GAB2: variants seen among roughly 807,000 people sequenced by gnomAD.
GAB2 encodes the protein GRB2-associated-binding protein 2.
Under a neutral mutation model 65.5 loss-of-function variants are expected in GAB2, and 26 were observed. The observed-to-expected ratio is 0.40, with a 90% CI of 0.29 to 0.55. The LOEUF (loss-of-function observed/expected upper bound fraction) is 0.55. GAB2 is among the 20% of genes least tolerant of loss of function. The probability of loss-of-function intolerance (pLI) is 0.53; values close to 1 mark genes in which losing one functional copy is unlikely to be tolerated. For synonymous variants in GAB2, 321 were observed against 329.6 expected (o/e 0.97, Z 0.28); for missense variants, 884 against 875.8 (o/e 1.01, Z -0.12).
In GAB2 at chr11:78,415,939, C is replaced by CTTT. The variant is rs1303081510; in HGVS notation, c.75+1704_75+1706dup. On this transcript the variant is annotated intron_variant, in intron 1 of 9. Coordinates refer to ENST00000361507, the MANE Select transcript of GAB2 (RefSeq NM_080491.3). Reference sequence around the variant, plus strand: ...GTTCAAACTTGAAAATTAAGGGTCACTTTTTTTTTTTTTTTTTTTACTGTG... The same window carrying CTTT: ...GTTCAAACTTGAAAATTAAGGGTCACTTTTTTTTTTTTTTTTTTTTTTACTGTG... Among the ~76,000 whole-genome samples the CTTT allele has an allele frequency of 6.9e-3, 894 of 128,984 alleles. 10 individuals carry two copies. Among genetic ancestry groups the CTTT allele is most frequent in the African/African-American group, 0.024 (836 of 35,440 alleles). The allele number at this position is 128,984 out of a possible 152,430, so 84.6% of individuals were successfully genotyped here. A position where few individuals can be genotyped will look rare whatever the true frequency, so the allele number is the denominator to read the frequency against.
chr11:78,347,864 AT>A (rs1257713223), intron 1 of GAB2, among the ~76,000 whole-genome samples: 1 of 152,218 alleles, frequency 6.6e-6, no homozygotes, highest in Non-Finnish European at 1.5e-5. Context: ...CTTGAACAAC[AT>A]GGGGGTTAGG....
At chr11:78,411,952 C>G (rs1404979848) in intron 1 of GAB2, among the ~76,000 whole-genome samples, 2 of 151,978 alleles carry the variant, frequency 1.3e-5, no homozygotes, top group African/African-American at 4.8e-5. Flanking sequence ...ATCGCTTGAA[C>G]CTGGGAGGCA....
intron 1 of GAB2, among the ~76,000 whole-genome samples, chr11:78,288,382 G>GAAAAAAAAAA (rs369041941): frequency 8.4e-6 from 1 of 119,178 alleles, no homozygotes; most frequent in Admixed American, 9.7e-5. Context: ...CCATCTCAAA[G>GAAAAAAAAAA]AAAAAAAAAA....
intron 2 of GAB2, among the ~76,000 whole-genome samples, chr11:78,277,974 T>C (rs950912409): frequency 1.3e-5 from 2 of 152,220 alleles, no homozygotes; most frequent in Admixed American, 6.5e-5. Flanking sequence ...GAGGCAAGAA[T>C]TGAGGTTGCT....
chr11:78,307,308 T>C (rs1409625815), intron 1 of GAB2, among the ~76,000 whole-genome samples: 2 of 152,182 alleles, frequency 1.3e-5, no homozygotes, highest in Admixed American at 6.5e-5. Context: ...GGGTTGATTC[T>C]ATGTTGTGAA....
chr11:78,252,363 T>A (rs143815316), intron 2 of GAB2, among the ~76,000 whole-genome samples: 1 of 152,332 alleles, frequency 6.6e-6, no homozygotes, highest in East Asian at 1.9e-4. Flanking sequence ...ACAGAATCGA[T>A]AGCTCATTAC....
chr11:78,391,960 C>G (rs1490270962), intron 1 of GAB2, among the ~76,000 whole-genome samples: 5 of 152,084 alleles, frequency 3.3e-5, no homozygotes, highest in African/African-American at 1.2e-4. Context: ...ATGAAAACTG[C>G]CTGGGTGCAG....
intron 1 of GAB2, among the ~76,000 whole-genome samples, chr11:78,380,753 G>A (rs1856686812): frequency 6.6e-6 from 1 of 152,102 alleles, no homozygotes; most frequent in African/African-American, 2.4e-5. Context: ...TCATGCAGCT[G>A]CAACTTCTGC....
intron 1 of GAB2, among the ~76,000 whole-genome samples, chr11:78,320,524 G>C (rs1349687875): frequency 6.6e-6 from 1 of 152,096 alleles, no homozygotes; most frequent in African/African-American, 2.4e-5. Flanking sequence ...GTTCTAGAAA[G>C]ATCACTCTGG....
intron 1 of GAB2, among the ~76,000 whole-genome samples, chr11:78,374,658 T>C (rs1366189572): frequency 6.6e-6 from 1 of 152,226 alleles, no homozygotes; most frequent in Non-Finnish European, 1.5e-5. Context: ...TTTAAGGGTT[T>C]GATATTTTAT....
At chr11:78,341,549 C>T (rs1176679627) in intron 1 of GAB2, among the ~76,000 whole-genome samples, 1 of 152,160 alleles carries the variant, frequency 6.6e-6, no homozygotes, top group Non-Finnish European at 1.5e-5. Context: ...TGATCCTGCA[C>T]TAGGGTCATC....
chr11:78,353,143 A>C (rs1391652564), intron 1 of GAB2, among the ~76,000 whole-genome samples: 1 of 152,140 alleles, frequency 6.6e-6, no homozygotes, highest in African/African-American at 2.4e-5. Context: ...ACTGAATCAC[A>C]ATCTCTGGGA....
chr11:78,339,185 C>T (rs534898807), intron 1 of GAB2, among the ~76,000 whole-genome samples: 2 of 152,266 alleles, frequency 1.3e-5, no homozygotes, highest in African/African-American at 4.8e-5. Flanking sequence ...CTCGGCCTCC[C>T]AAAGTGCTGA....
intron 1 of GAB2, among the ~76,000 whole-genome samples, chr11:78,340,247 T>C (rs996109215): frequency 6.6e-6 from 1 of 152,220 alleles, no homozygotes; most frequent in African/African-American, 2.4e-5. Context: ...TCTGGGAGAT[T>C]GGTAGCTAGC....
intron 2 of GAB2, among the ~76,000 whole-genome samples, chr11:78,251,916 G>A (rs1013810279): frequency 6.6e-6 from 1 of 152,228 alleles, no homozygotes; most frequent in African/African-American, 2.4e-5. Flanking sequence ...CTTAGTTCAT[G>A]TCTGCGGACT....
chr11:78,407,662 A>T (rs200540436), intron 1 of GAB2, among the ~76,000 whole-genome samples: 169 of 86,724 alleles, frequency 1.9e-3, no homozygotes, highest in South Asian at 4.3e-3. Context: ...AGAAAGTAAG[A>T]AAGAAAGAAA....
chr11:78,349,185 A>C (rs1206624932), intron 1 of GAB2, among the ~76,000 whole-genome samples: 1 of 152,174 alleles, frequency 6.6e-6, no homozygotes, highest in Non-Finnish European at 1.5e-5. Flanking sequence ...TTATCCTTTG[A>C]AGTTGATAAG....
intron 1 of GAB2, among the ~76,000 whole-genome samples, chr11:78,377,057 T>A (rs970524886): frequency 4.6e-5 from 7 of 152,222 alleles, no homozygotes; most frequent in Admixed American, 3.3e-4. Flanking sequence ...TCTCCTGCCA[T>A]GACTGAAAGC....
chr11:78,354,741 T>G (rs1856331938), intron 1 of GAB2, among the ~76,000 whole-genome samples: 1 of 152,228 alleles, frequency 6.6e-6, no homozygotes. Context: ...GACCTTTTCC[T>G]GTGCTGAAGC....
Sources: allele counts gnomAD v4.1 joint callset (sites outside exome capture counted in the v4.1 genomes callset), GRCh38; gene constraint gnomAD v4.1.1; transcripts MANE v1.5; gene names NCBI Gene and HGNC (gene_info 2026-07-23, HGNC 2026-07-21).